The following CSF1 variants were observed in gnomAD, a reference collection of about 807,000 sequenced individuals.
CSF1 encodes the protein macrophage colony-stimulating factor 1.
Under a neutral mutation model 48.9 loss-of-function variants are expected in CSF1, and 9 were observed. That is an observed-to-expected ratio of 0.18 (90% CI 0.11 to 0.32). The LOEUF is 0.32. Ranked by LOEUF, CSF1 falls within the 10% of genes least tolerant of loss-of-function variation. CSF1 has a pLI of 1.00. For synonymous variants in CSF1, 305 were observed against 284.1 expected (o/e 1.07, Z -0.74); for missense variants, 672 against 697.9 (o/e 0.96, Z 0.42).
intron 8 of CSF1, among the ~76,000 whole-genome samples, chr1:109,928,372 A>G (rs933543976): frequency 2.0e-4 from 30 of 152,192 alleles, no homozygotes; most frequent in Admixed American, 1.8e-3. Flanking sequence ...GCTCTGCCCT[A>G]CTGTCTTGAA....
In CSF1 at chr1:109,923,521, C is replaced by T. The variant is rs1647672658; in HGVS notation, c.900C>T (p.Gly300=). ...GMEDILDSAM[G]TNWVPEEASG... is the part of the protein sequence containing the mutation. ...AGGATATTCTTGACTCTGCAATGGGCACTAATTGGGTCCCAGAAGAAGCCT... is the reference window on the plus strand; with the variant it reads ...AGGATATTCTTGACTCTGCAATGGGTACTAATTGGGTCCCAGAAGAAGCCT... Residue 300 remains glycine (G), a synonymous_variant, in exon 6 of 9, where the codon GGC becomes GGT. Coordinates refer to ENST00000329608, the MANE Select transcript of CSF1 (RefSeq NM_000757.6). The T allele has an allele frequency of 6.2e-7, 1 of 1,614,166 alleles. No individual in the cohort carries two copies. Among genetic ancestry groups the T allele is most frequent in the African/African-American group, 1.3e-5 (1 of 75,042 alleles).
intron 8 of CSF1, chr1:109,926,185 C>G (rs1248820387): frequency 6.6e-6 from 1 of 152,210 alleles, no homozygotes; most frequent in Admixed American, 6.5e-5. Flanking sequence ...GGGACTGTTA[C>G]CTTCCTTGAT....
rs1647993662 is a variant in CSF1, at chr1:109,929,787, G to A, written c.*949G>A. ...TCGACTGAGGGAGCCCCTCAGCCCT[G>A]ACCTTCTCCTGACCTGGCCTTTGAC... On this transcript the variant is annotated 3_prime_UTR_variant, in exon 9 of 9. Coordinates refer to ENST00000329608, the MANE Select transcript of CSF1 (RefSeq NM_000757.6). The A allele has an allele frequency of 6.5e-6, 1 of 153,004 alleles. No individual in the cohort carries two copies. The highest frequency in any genetic ancestry group is 6.5e-5 in the Admixed American group (1 of 15,284). 9.5% of individuals were successfully genotyped at this position (153,004 alleles called of 1,614,324 possible). A position where few individuals can be genotyped will look rare whatever the true frequency, so the allele number is the denominator to read the frequency against.
intron 4 of CSF1, among the ~76,000 whole-genome samples, chr1:109,919,644 G>C (rs561481729): frequency 1.7e-4 from 26 of 152,286 alleles, no homozygotes; most frequent in Non-Finnish European, 3.5e-4. Context: ...CACCCCTAGA[G>C]AGTCTGATAC....
At chr1:109,912,821 A>G (rs1557730918) in intron 1 of CSF1, among the ~76,000 whole-genome samples, 1 of 152,112 alleles carries the variant, frequency 6.6e-6, no homozygotes, top group Non-Finnish European at 1.5e-5. Context: ...ATTCCCACCC[A>G]GGGCAACCTC....
intron 7 of CSF1, 105 bp downstream of exon 7, chr1:109,924,933 A>C: frequency 8.2e-7 from 1 of 1,224,606 alleles, no homozygotes. Flanking sequence ...GAGGAAATGG[A>C]GCTGCAGAAC....
chr1:109,924,061 C>G lies in CSF1; in HGVS notation c.1440C>G (p.Gly480=), dbSNP rs1440076242. 6.2e-7 allele frequency: 1 copy of G among 1,614,094 alleles called. No homozygotes were observed. The highest frequency in any genetic ancestry group is 8.5e-7 in the Non-Finnish European group (1 of 1,180,038). Residue 480 remains glycine (G), a synonymous_variant, in exon 6 of 9, where the codon GGC becomes GGG. Transcript: ENST00000329608. ...RFNSVPLTDT[G]HERQSEGSFS... ...ACTCCGTTCCTTTGACTGACACAGG[C>G]CATGAGAGGCAGTCCGAGGGATCCT...
At chr1:109,918,936 G>A (rs190573093) in intron 4 of CSF1, among the ~76,000 whole-genome samples, 1 of 152,106 alleles carries the variant, frequency 6.6e-6, no homozygotes, top group East Asian at 1.9e-4. Flanking sequence ...GGCAAGCAGA[G>A]GATGGGGGAC....
In CSF1 at chr1:109,923,851, C is replaced by A; in HGVS notation, c.1230C>A (p.Pro410=). ...PGSPRISSLR[P]QGLSNPSTLS... ...CTCCCAGGATCTCATCACTGCGCCC[C>A]CAGGGCCTCAGCAACCCCTCCACCC... Residue 410 remains proline, a synonymous_variant, in exon 6 of 9, where the codon CCC becomes CCA. Coordinates refer to ENST00000329608, the MANE Select transcript of CSF1 (RefSeq NM_000757.6). 1 of 1,614,012 alleles carries A rather than the reference C, an allele frequency of 6.2e-7. No homozygotes were observed. The highest frequency in any genetic ancestry group is 1.7e-5 in the Admixed American group (1 of 60,014).
At chr1:109,922,154 T>C (rs917553048) in intron 5 of CSF1, among the ~76,000 whole-genome samples, 160 bp downstream of exon 5, 1 of 152,220 alleles carries the variant, frequency 6.6e-6, no homozygotes, top group African/African-American at 2.4e-5. Flanking sequence ...TATATGTGGC[T>C]TCACGTACCT....
rs755327725 is a variant in CSF1 at position 109,923,871 on chromosome 1, C to A, written c.1250C>A (p.Ser417Tyr). 1 of 1,614,038 alleles carries A rather than the reference C, an allele frequency of 6.2e-7. No homozygotes were observed. The highest frequency in any genetic ancestry group is 8.5e-7 in the Non-Finnish European group (1 of 1,179,890). Residue 417 changes from serine (S) to tyrosine (Y), a missense_variant, in exon 6 of 9, where the codon TCC becomes TAC. By Grantham distance (144) the Ser-to-Tyr change is moderately radical. Transcript: ENST00000329608. ...SLRPQGLSNP[S>Y]TLSAQPQLSR... The stretch of plus-strand genomic sequence containing the variant: ...CGCCCCCAGGGCCTCAGCAACCCCT[C>A]CACCCTCTCTGCTCAGCCACAGCTT...
intron 4 of CSF1, among the ~76,000 whole-genome samples, chr1:109,919,735 G>A (rs959401598): frequency 2.0e-5 from 3 of 151,990 alleles, no homozygotes; most frequent in Non-Finnish European, 4.4e-5. Flanking sequence ...CGAGACAGTG[G>A]ATCACCTGAG....
chr1:109,913,042 G>A (rs937705498), intron 1 of CSF1, among the ~76,000 whole-genome samples: 2 of 152,222 alleles, frequency 1.3e-5, no homozygotes, highest in Admixed American at 6.5e-5. Flanking sequence ...GCTCTCTGCA[G>A]TCTCCCTGGT....
intron 5 of CSF1, chr1:109,922,325 T>G: frequency 4.4e-6 from 1 of 228,010 alleles, no homozygotes; most frequent in Non-Finnish European, 8.5e-6. Context: ...CTTTCCCCAC[T>G]GGCTCTGCAG....
intron 8 of CSF1, among the ~76,000 whole-genome samples, chr1:109,927,562 C>CT (rs1647896729): frequency 2.0e-5 from 3 of 151,984 alleles, no homozygotes; most frequent in Non-Finnish European, 4.4e-5. Flanking sequence ...GCCCACCCTC[C>CT]TTTCCCCACT....
chr1:109,921,233 T>C (rs1233377065), intron 4 of CSF1, among the ~76,000 whole-genome samples: 1 of 152,244 alleles, frequency 6.6e-6, no homozygotes. Context: ...ACCTGGCCCT[T>C]GCTAACCTCT....
chr1:109,927,519 G>T (rs79612521), intron 8 of CSF1, among the ~76,000 whole-genome samples: 1,751 of 152,138 alleles, frequency 0.012, 41 homozygotes, highest in African/African-American at 0.039. Flanking sequence ...ACCCCTCGCC[G>T]TGGTCTTGGC....
intron 5 of CSF1, 39 bp from the exon 6 acceptor site, chr1:109,923,127 C>T: frequency 6.7e-7 from 1 of 1,498,846 alleles, no homozygotes; most frequent in East Asian, 2.3e-5. Context: ...TCTATCTCCT[C>T]CCCATCTTTC....
intron 2 of CSF1, 69 bp downstream of exon 2, chr1:109,914,450 A>C (rs1222790782): frequency 6.7e-7 from 1 of 1,496,862 alleles, no homozygotes; most frequent in Non-Finnish European, 8.9e-7. Context: ...GCCAGGGAGC[A>C]GGTCAAAGAG....
Sources: gnomAD v4.1 joint callset for allele counts (sites outside exome capture counted in the v4.1 genomes callset) on GRCh38, gnomAD v4.1.1 for gene constraint, MANE v1.5 for transcripts, NCBI Gene and HGNC (gene_info 2026-07-23, HGNC 2026-07-21) for gene names.